Variants in MAML3 observed in about 807,000 individuals in gnomAD.
MAML3 encodes mastermind like transcriptional coactivator 3.
Under a neutral mutation model 101.9 loss-of-function variants are expected in MAML3, and 27 were observed. The ratio of observed to expected loss-of-function variants is 0.27; its 90% CI spans 0.20 to 0.37. MAML3 has a LOEUF of 0.37. MAML3 is among the 10% of genes least tolerant of loss of function. MAML3 has a pLI of 1.00. For missense variants in MAML3, 1,316 were observed against 1,444.9 expected (o/e 0.91, Z 1.45); for synonymous variants, 501 against 555.9 (o/e 0.90, Z 1.39).
At chr4:140,066,184 G>C (rs1727533938) in intron 1 of MAML3, among the ~76,000 whole-genome samples, 1 of 152,232 alleles carries the variant, frequency 6.6e-6, no homozygotes, top group African/African-American at 2.4e-5. Flanking sequence ...AGAAGTGAAT[G>C]AATTTGAGCA....
chr4:139,825,325 A>G (rs1213341649), intron 2 of MAML3, among the ~76,000 whole-genome samples: 1 of 152,170 alleles, frequency 6.6e-6, no homozygotes, highest in Non-Finnish European at 1.5e-5. Context: ...CTCTGGCTGA[A>G]CATTTGCATG....
At chr4:139,784,967 G>A (rs1211902776) in intron 2 of MAML3, among the ~76,000 whole-genome samples, 1 of 152,194 alleles carries the variant, frequency 6.6e-6, no homozygotes, top group Admixed American at 6.5e-5. Context: ...TAGATGATGG[G>A]AAATCTCTGA....
At position 139,891,084 on chromosome 4, in the gene MAML3, G is replaced by T. The variant is rs558168508; in HGVS notation, c.469-117C>A. 3.6e-5 allele frequency: 43 copies of T among 1,193,542 alleles called. 2 individuals are homozygous for T. The South Asian group carries it at 6.2e-4, about 17-fold the overall frequency. 73.9% of individuals were successfully genotyped at this position (1,193,542 alleles called of 1,614,324 possible). A position where few individuals can be genotyped will look rare whatever the true frequency, so the allele number is the denominator to read the frequency against. On this transcript the variant is annotated intron_variant, in intron 1 of 4. Coordinates refer to ENST00000509479, the MANE Select transcript of MAML3 (RefSeq NM_018717.5). ...TAAGTGGTTTACGACACACAGGAAA[G>T]AAGTCATACTTATAATTTCAAAATC... is the stretch of plus-strand genomic sequence containing the variant.
Position 139,889,463 on chromosome 4 carries a change from G to C in MAML3, c.1973C>G (p.Ala658Gly). ...GTCTTCGCTCAGGTGTGCCCTGGGG[G>C]CCTGGAGCTGTGGAGGTGGCGGCTG... ...QQQPPPPQLQAPRAHLSEDQK... is the reference protein window; with the variant it reads ...QQQPPPPQLQGPRAHLSEDQK... The change falls in exon 2 of 5, where the codon GCC (alanine) becomes GGC (glycine). Residue 658 changes from alanine to glycine, a missense_variant. Coordinates refer to ENST00000509479, the MANE Select transcript of MAML3 (RefSeq NM_018717.5). The C allele has an allele frequency of 6.2e-7, 1 of 1,613,964 alleles. No individual in the cohort carries two copies. The highest frequency in any genetic ancestry group is 8.5e-7 in the Non-Finnish European group (1 of 1,179,884).
At chr4:140,132,279 A>T (rs1239255717) in intron 1 of MAML3, among the ~76,000 whole-genome samples, 1 of 152,250 alleles carries the variant, frequency 6.6e-6, no homozygotes, top group African/African-American at 2.4e-5. Context: ...AAAACTGGAA[A>T]AAGGGAAGTT....
At chr4:139,847,777 C>T (rs1163105212) in intron 2 of MAML3, among the ~76,000 whole-genome samples, 1 of 152,174 alleles carries the variant, frequency 6.6e-6, no homozygotes, top group Non-Finnish European at 1.5e-5. Flanking sequence ...GAAAAGCTTG[C>T]TTGAAAAGGA....
intron 1 of MAML3, among the ~76,000 whole-genome samples, chr4:140,056,789 C>A (rs932127116): frequency 6.8e-6 from 1 of 147,248 alleles, no homozygotes. Flanking sequence ...CCAGCCTCAG[C>A]GACAGAGCAA....
intron 1 of MAML3, among the ~76,000 whole-genome samples, chr4:139,968,507 G>C (rs1734179795): frequency 6.6e-6 from 1 of 151,998 alleles, no homozygotes; most frequent in South Asian, 2.1e-4. Context: ...CAAGTCAGCA[G>C]GCAAAACCAT....
chr4:139,727,386 A>C (rs1188895455), intron 3 of MAML3, among the ~76,000 whole-genome samples: 1 of 152,226 alleles, frequency 6.6e-6, no homozygotes, highest in Non-Finnish European at 1.5e-5. Context: ...CCTCAGTCAA[A>C]CTTCCCATAT....
At chr4:139,945,499 C>T (rs1733711167) in intron 1 of MAML3, among the ~76,000 whole-genome samples, 1 of 152,128 alleles carries the variant, frequency 6.6e-6, no homozygotes, top group South Asian at 2.1e-4. Context: ...AACATTTATA[C>T]TTAATATGAA....
At chr4:139,989,858 C>A (rs1001742432) in intron 1 of MAML3, among the ~76,000 whole-genome samples, 10 of 136,338 alleles carry the variant, frequency 7.3e-5, no homozygotes, top group Admixed American at 2.1e-4. Context: ...CAAACACACA[C>A]ACACACACAC....
intron 4 of MAML3, among the ~76,000 whole-genome samples, chr4:139,721,125 T>C (rs1297533749): frequency 6.6e-6 from 1 of 152,234 alleles, no homozygotes; most frequent in East Asian, 1.9e-4. Context: ...CAAAGTCCAT[T>C]CCTTCAAATC....
chr4:139,720,072 T>C lies in MAML3; in HGVS notation c.2668A>G (p.Met890Val). The C allele has an allele frequency of 6.2e-7, 1 of 1,614,102 alleles. No homozygotes were observed. The highest frequency in any genetic ancestry group is 8.5e-7 in the Non-Finnish European group (1 of 1,179,912). The change falls in exon 5 of 5, where the codon ATG becomes GTG. Residue 890 changes from methionine to valine, a missense_variant. Met to Val is a conservative substitution (Grantham distance 21, BLOSUM62 1). Transcript: ENST00000509479. Reference protein sequence around the residue: ...QMLQHPNQSGMSITHNQAQGP... With the variant: ...QMLQHPNQSGVSITHNQAQGP... Reference sequence around the variant, plus strand: ...TGGGCTTGGTTATGTGTGATGCTCATGCCACTTTGGTTTGGATGCTGCAAC... The same window carrying C: ...TGGGCTTGGTTATGTGTGATGCTCACGCCACTTTGGTTTGGATGCTGCAAC...
At chr4:139,864,885 G>GA (rs1731863498) in intron 2 of MAML3, among the ~76,000 whole-genome samples, 1 of 121,216 alleles carries the variant, frequency 8.2e-6, no homozygotes, top group African/African-American at 3.1e-5. Flanking sequence ...GTGAAATATG[G>GA]ATAAAAATAC....
intron 2 of MAML3, among the ~76,000 whole-genome samples, chr4:139,745,770 A>T (rs1379578620): frequency 1.3e-5 from 2 of 152,240 alleles, no homozygotes; most frequent in Non-Finnish European, 2.9e-5. Context: ...AATTTAGTAT[A>T]CAGGATTTTA....
rs73857941 is a variant in MAML3, at chr4:140,134,379, C to T, written c.468+18481G>A. On this transcript the variant is annotated intron_variant, in intron 1 of 4. Coordinates refer to ENST00000509479, the MANE Select transcript of MAML3 (RefSeq NM_018717.5). ...AGAACCCCAATCATTTCTCCAGATG[C>T]TCTGAATCACCTCCAGGGCACAGGC... The T allele has an allele frequency of 1.3e-3, 602 of 456,720 alleles. 4 individuals carry two copies. Among genetic ancestry groups the T allele is most frequent in the African/African-American group, 0.011 (543 of 50,188 alleles). 28.3% of individuals were successfully genotyped at this position (456,720 alleles called of 1,614,324 possible). A position where few individuals can be genotyped will look rare whatever the true frequency, so the allele number is the denominator to read the frequency against.
chr4:139,780,947 C>T (rs571656442), intron 2 of MAML3, among the ~76,000 whole-genome samples: 25 of 152,092 alleles, frequency 1.6e-4, no homozygotes, highest in East Asian at 5.8e-4. Context: ...ATAGTTCTGA[C>T]GGCAAAGAAT....
chr4:139,780,371 C>T (rs907737647), intron 2 of MAML3, among the ~76,000 whole-genome samples: 1 of 152,168 alleles, frequency 6.6e-6, no homozygotes, highest in African/African-American at 2.4e-5. Context: ...GGGTGCCATG[C>T]ATCTACCTAG....
rs141974241 is a variant in MAML3 at position 139,832,090 on chromosome 4, G to GCGCCCC, written c.2079+57266_2079+57267insGGGGCG. On this transcript the variant is annotated intron_variant, in intron 2 of 4. Coordinates refer to ENST00000509479, the MANE Select transcript of MAML3 (RefSeq NM_018717.5). ...TTACAGGCGTGAGCCATCATGCCCA[G>GCGCCCC]CCCCTTTTTTTTTTTTTTTTTTTTT... 6.1e-3 allele frequency among the ~76,000 whole-genome samples: 553 copies of GCGCCCC among 90,644 alleles called. 4 individuals carry two copies. Among genetic ancestry groups the GCGCCCC allele is most frequent in the East Asian group, 0.028 (88 of 3,142 alleles). 59.5% of individuals were successfully genotyped at this position (90,644 alleles called of 152,430 possible).
Sources: gnomAD v4.1 joint callset for allele counts (sites outside exome capture counted in the v4.1 genomes callset) on GRCh38, gnomAD v4.1.1 for gene constraint, MANE v1.5 for transcripts, NCBI Gene and HGNC (gene_info 2026-07-23, HGNC 2026-07-21) for gene names.